The following LIPA variants were observed in gnomAD, a reference collection of about 807,000 sequenced individuals.
LIPA encodes lipase A, lysosomal acid type, also known as lysosomal acid lipase/cholesteryl ester hydrolase.
A neutral mutation model predicts 40.6 loss-of-function variants in LIPA; 26 were observed. The ratio of observed to expected loss-of-function variants is 0.64; its 90% CI spans 0.47 to 0.89. The LOEUF (loss-of-function observed/expected upper bound fraction) is 0.89. LIPA is among the 40% of genes least tolerant of loss of function. The probability of loss-of-function intolerance (pLI) is 0.00; values close to 1 mark genes in which losing one functional copy is unlikely to be tolerated. For missense variants in LIPA, 455 were observed against 479.6 expected, an observed-to-expected ratio of 0.95 and a Z score of 0.48; for synonymous variants, 188 against 168.4, an observed-to-expected ratio of 1.12 and a Z score of -0.90.
chr10:89,214,248 T>G lies in LIPA; in HGVS notation c.*580A>C, dbSNP rs1183565982. 3.9e-5 allele frequency: 6 copies of G among 152,588 alleles called. No homozygotes were observed. Among genetic ancestry groups the G allele is most frequent in the Admixed American group, 3.3e-4 (5 of 15,344 alleles). The allele number at this position is 152,588 out of a possible 1,614,324, so 9.5% of individuals were successfully genotyped here. On this transcript the variant is annotated 3_prime_UTR_variant, in exon 10 of 10. Transcript: ENST00000336233. ...TCAAATCACAGCTGTCACAGTTAGGTTTGATAAAATTAATTGTTAGCATCC... is the reference window on the plus strand; with the variant it reads ...TCAAATCACAGCTGTCACAGTTAGGGTTGATAAAATTAATTGTTAGCATCC...
chr10:89,302,094 T>C (rs1843448549), intron 1 of LIPA: 1 of 1,613,924 alleles, frequency 6.2e-7, no homozygotes, highest in African/African-American at 1.3e-5. Flanking sequence ...AACCGAGCCC[T>C]GCCGAACAGC....
intron 1 of LIPA, among the ~76,000 whole-genome samples, chr10:89,270,238 A>G (rs1843258536): frequency 6.6e-6 from 1 of 152,258 alleles, no homozygotes; most frequent in Admixed American, 6.5e-5. Context: ...AGTCAGGGCC[A>G]GAAATCCACC....
chr10:89,391,104 G>A (rs1026932126), intron 2 of LIPA, among the ~76,000 whole-genome samples: 4 of 152,200 alleles, frequency 2.6e-5, no homozygotes, highest in African/African-American at 9.7e-5. Context: ...CTGGCAGTGT[G>A]CCCAGTTAAG....
chr10:89,349,469 A>G (rs1843944622), intron 2 of LIPA, among the ~76,000 whole-genome samples: 1 of 152,148 alleles, frequency 6.6e-6, no homozygotes, highest in African/African-American at 2.4e-5. Context: ...AGTTTATTTC[A>G]TAGATTCAAT....
chr10:89,292,827 A>G (rs1172608403), intron 1 of LIPA, among the ~76,000 whole-genome samples: 1 of 149,582 alleles, frequency 6.7e-6, no homozygotes, highest in Non-Finnish European at 1.5e-5. Flanking sequence ...TTTTTTTTTA[A>G]TTGTAGAGAT....
chr10:89,362,838 A>G (rs780568303), intron 2 of LIPA: 2 of 363,020 alleles, frequency 5.5e-6, no homozygotes, highest in Non-Finnish European at 1.0e-5. Flanking sequence ...TCCTGAATTC[A>G]GCACTGGGTA....
At chr10:89,324,461 C>T (rs113269889) in intron 1 of LIPA, among the ~76,000 whole-genome samples, 1 of 152,174 alleles carries the variant, frequency 6.6e-6, no homozygotes, top group African/African-American at 2.4e-5. Flanking sequence ...TAGAAACCAG[C>T]AAAGATTTCA....
At chr10:89,286,104 C>A (rs1171160448) in intron 1 of LIPA, among the ~76,000 whole-genome samples, 1 of 152,116 alleles carries the variant, frequency 6.6e-6, no homozygotes, top group African/African-American at 2.4e-5. Context: ...CATCCTACAA[C>A]ACCTAGATAA....
rs758215504 is a variant in LIPA at position 89,307,144 on chromosome 10, A to C, written c.-2+35467T>G. ...AAGACAAGGCCATCCACCACTTTATAGAGGGTGTAAAAATAAACCAGAAAT... is the reference window on the plus strand; with the variant it reads ...AAGACAAGGCCATCCACCACTTTATCGAGGGTGTAAAAATAAACCAGAAAT... On this transcript the variant is annotated intron_variant, in intron 1 of 5. Coordinates refer to the LIPA transcript ENST00000282673. 6.2e-6 allele frequency: 10 copies of C among 1,614,106 alleles called. No homozygotes were observed. The South Asian group carries it at 1.1e-4, about 18-fold the overall frequency.
chr10:89,301,466 T>A (rs193043579), intron 1 of LIPA, among the ~76,000 whole-genome samples: 96 of 152,290 alleles, frequency 6.3e-4, no homozygotes, highest in Non-Finnish European at 1.2e-3. Flanking sequence ...TGTAAATGTG[T>A]CCTCCTAGGA....
At chr10:89,302,014 T>A (rs1843447973) in intron 1 of LIPA, 1 of 1,172,460 alleles carries the variant, frequency 8.5e-7, no homozygotes, top group Admixed American at 2.0e-5. Flanking sequence ...AGAGGCCACT[T>A]GTATATATAG....
At chr10:89,340,222 G>A in intron 1 of LIPA, 1 of 1,314,226 alleles carries the variant, frequency 7.6e-7, no homozygotes, top group Non-Finnish European at 1.0e-6. Context: ...TGGGATTGCT[G>A]AGCAGGGAAG....
chr10:89,403,173 A>G, intron 2 of LIPA: 2 of 1,613,956 alleles, frequency 1.2e-6, no homozygotes, highest in South Asian at 2.2e-5. Context: ...GGCACAAATG[A>G]TCCAAATCAA....
chr10:89,337,440 C>CA (rs1464375414), intron 1 of LIPA, among the ~76,000 whole-genome samples: 1 of 152,116 alleles, frequency 6.6e-6, no homozygotes, highest in Non-Finnish European at 1.5e-5. Context: ...CACTCTATCA[C>CA]CCTGGCTGGA....
At chr10:89,304,718 C>A (rs1398293320) in intron 1 of LIPA, among the ~76,000 whole-genome samples, 4 of 152,054 alleles carry the variant, frequency 2.6e-5, no homozygotes, top group Non-Finnish European at 5.9e-5. Flanking sequence ...GAAATACAGG[C>A]TTTTGCTCAT....
chr10:89,316,204 A>T (rs1260706622), intron 1 of LIPA, among the ~76,000 whole-genome samples: 1 of 152,154 alleles, frequency 6.6e-6, no homozygotes, highest in Non-Finnish European at 1.5e-5. Context: ...TACTGGGTTC[A>T]TCTCACTGGG....
intron 2 of LIPA, chr10:89,378,166 C>A (rs570446295): frequency 6.2e-7 from 1 of 1,612,764 alleles, no homozygotes; most frequent in East Asian, 2.2e-5. Flanking sequence ...GCTTCACTGA[C>A]CTTATTTCTG....
chr10:89,401,226 C>G (rs1158279381), intron 2 of LIPA, among the ~76,000 whole-genome samples: 1 of 151,930 alleles, frequency 6.6e-6, no homozygotes, highest in Non-Finnish European at 1.5e-5. Context: ...AAGCGATTCT[C>G]CTGCCTCAGC....
chr10:89,307,792 T>A (rs917016725), intron 1 of LIPA: 4 of 173,132 alleles, frequency 2.3e-5, no homozygotes, highest in African/African-American at 9.5e-5. Flanking sequence ...CCCATAGAGG[T>A]TAGTCCTGCA....
Sources: gnomAD v4.1 joint callset for allele counts (sites outside exome capture counted in the v4.1 genomes callset) on GRCh38, gnomAD v4.1.1 for gene constraint, MANE v1.5 for transcripts, NCBI Gene and HGNC (gene_info 2026-07-23, HGNC 2026-07-21) for gene names.